TMEM106B: variants seen among roughly 807,000 people sequenced by gnomAD.
TMEM106B encodes transmembrane protein 106B.
A neutral mutation model predicts 31.1 loss-of-function variants in TMEM106B; 15 were observed. That is an observed-to-expected ratio of 0.48 (90% CI 0.32 to 0.74). The LOEUF (loss-of-function observed/expected upper bound fraction) is 0.74. Ranked by LOEUF, TMEM106B falls within the 30% of genes least tolerant of loss-of-function variation. The pLI, the probability that TMEM106B is intolerant of heterozygous loss-of-function variation, is 0.03. For missense variants in TMEM106B, 283 were observed against 327.3 expected (o/e 0.86, Z 1.04); for synonymous variants, 126 against 112.5 (o/e 1.12, Z -0.76).
Position 12,211,389 on chromosome 7 carries a change from C to G in TMEM106B, c.-39C>G, listed in dbSNP as rs1278162327. 6.6e-6 allele frequency: 1 copy of G among 152,390 alleles called. No individual in the cohort carries two copies. The highest frequency in any genetic ancestry group is 2.4e-5 in the African/African-American group (1 of 41,462). 9.4% of individuals were successfully genotyped at this position (152,390 alleles called of 1,614,324 possible). A position where few individuals can be genotyped will look rare whatever the true frequency, so the allele number is the denominator to read the frequency against. ...ACCCTGTCCTCGGCCCTGTCCGCGC[C>G]GAAGCAGCCCGGGACTGCGCAGCGC... is the stretch of plus-strand genomic sequence containing the variant. On this transcript the variant is annotated 5_prime_UTR_variant, in exon 1 of 8. Coordinates refer to ENST00000396668, the MANE Select transcript of TMEM106B (RefSeq NM_001134232.2).
intron 5 of TMEM106B, 37 bp downstream of exon 5, chr7:12,229,856 A>G (rs183953676): frequency 1.3e-6 from 2 of 1,567,818 alleles, no homozygotes; most frequent in East Asian, 2.3e-5. Flanking sequence ...TAAGAGTTAA[A>G]TGAATGTCAG....
rs1340340628 is a variant in TMEM106B at position 12,234,117 on chromosome 7, C to CA, written c.*2147dup. On this transcript the variant is annotated 3_prime_UTR_variant, in exon 8 of 8. Transcript: ENST00000396668. Reference sequence around the variant, plus strand: ...AAATTATCTTTTAGATACGCTCATACAAAAATCAATCCTTGTTTTCTTGCT... The same window carrying CA: ...AAATTATCTTTTAGATACGCTCATACAAAAAATCAATCCTTGTTTTCTTGCT... 1.3e-5 allele frequency: 2 copies of CA among 151,702 alleles called. No individual in the cohort carries two copies. The highest frequency in any genetic ancestry group is 4.8e-5 in the African/African-American group (2 of 41,392). The allele number at this position is 151,702 out of a possible 1,614,324, so 9.4% of individuals were successfully genotyped here.
chr7:12,221,780 A>G (rs1274592852), intron 3 of TMEM106B, among the ~76,000 whole-genome samples: 3 of 152,178 alleles, frequency 2.0e-5, no homozygotes, highest in Non-Finnish European at 4.4e-5. Flanking sequence ...CAAAATGACT[A>G]GAGTTAGCAG....
At chr7:12,218,425 A>G (rs1483726146) in intron 2 of TMEM106B, 33 bp from the exon 3 acceptor site, 1 of 1,576,266 alleles carries the variant, frequency 6.3e-7, no homozygotes, top group Admixed American at 1.7e-5. Flanking sequence ...AACTAATCAT[A>G]GTAATTTCTG....
In TMEM106B at chr7:12,239,373, A is replaced by G. The variant is rs1033185465; in HGVS notation, c.*7398A>G. 5 of 152,162 alleles carry G rather than the reference A, an allele frequency of 3.3e-5. No homozygotes were observed. The highest frequency in any genetic ancestry group is 4.4e-5 in the Non-Finnish European group (3 of 68,018). 9.4% of individuals were successfully genotyped at this position (152,162 alleles called of 1,614,324 possible). A position where few individuals can be genotyped will look rare whatever the true frequency, so the allele number is the denominator to read the frequency against. On this transcript the variant is annotated 3_prime_UTR_variant, in exon 8 of 8. Transcript: ENST00000396668. ...ATTGAAACCACTAAAACATTCCCAT[A>G]TCGGCAATAAGGCTGTTTGATTTTC...
chr7:12,232,545 T>A lies in TMEM106B; in HGVS notation c.*570T>A, dbSNP rs1782046386. 6.6e-6 allele frequency: 1 copy of A among 152,316 alleles called. No individual in the cohort carries two copies. The highest frequency in any genetic ancestry group is 2.1e-4 in the South Asian group (1 of 4,834). The allele number at this position is 152,316 out of a possible 1,614,324, so 9.4% of individuals were successfully genotyped here. ...CATGTTTTTGTCACTTATTTCAGGT[T>A]AGTGATTGCCTAACACTTATAAGCC... is the stretch of plus-strand genomic sequence containing the variant. On this transcript the variant is annotated 3_prime_UTR_variant, in exon 8 of 8. Coordinates refer to ENST00000396668, the MANE Select transcript of TMEM106B (RefSeq NM_001134232.2).
intron 3 of TMEM106B, among the ~76,000 whole-genome samples, chr7:12,222,924 C>T (rs2128525677): frequency 6.6e-6 from 1 of 152,054 alleles, no homozygotes; most frequent in East Asian, 1.9e-4. Flanking sequence ...TCCATCAGAG[C>T]ATTTAGAAAG....
chr7:12,222,933 A>G (rs1781816223), intron 3 of TMEM106B, among the ~76,000 whole-genome samples: 1 of 152,228 alleles, frequency 6.6e-6, no homozygotes, highest in African/African-American at 2.4e-5. Flanking sequence ...GCATTTAGAA[A>G]GGAAATGGTG....
rs1448339044 is a variant in TMEM106B, at chr7:12,234,636, T to C, written c.*2661T>C. 1 of 151,894 alleles carries C rather than the reference T, an allele frequency of 6.6e-6. No individual in the cohort carries two copies. The highest frequency in any genetic ancestry group is 2.4e-5 in the African/African-American group (1 of 41,434). The allele number at this position is 151,894 out of a possible 1,614,324, so 9.4% of individuals were successfully genotyped here. ...ATTAATACGCTTTTCTAAACTGCTCTCAGACCTTATCCAGAGGACATGGTA... is the reference window on the plus strand; with the variant it reads ...ATTAATACGCTTTTCTAAACTGCTCCCAGACCTTATCCAGAGGACATGGTA... On this transcript the variant is annotated 3_prime_UTR_variant, in exon 8 of 8. Transcript: ENST00000396668.
Position 12,214,816 on chromosome 7 carries a change from A to G in TMEM106B, c.6A>G (p.Gly2=). 1.2e-6 allele frequency: 2 copies of G among 1,608,490 alleles called. No individual in the cohort carries two copies. The highest frequency in any genetic ancestry group is 1.3e-5 in the African/African-American group (1 of 74,772). M[G]KSLSHLPLHS... ...ATTTTTATTTTTCTTTAGACATGGG[A>G]AAGTCTCTTTCTCATTTGCCTTTGC... The change falls in exon 2 of 8, where the codon GGA becomes GGG. Residue 2 remains glycine, a synonymous_variant. Coordinates refer to ENST00000396668, the MANE Select transcript of TMEM106B (RefSeq NM_001134232.2).
At chr7:12,214,703 T>C in intron 1 of TMEM106B, 106 bp from the exon 2 acceptor site, 1 of 985,552 alleles carries the variant, frequency 1.0e-6, no homozygotes, top group Non-Finnish European at 1.4e-6. Flanking sequence ...TTACAGAGTT[T>C]GACTGTTCCT....
At chr7:12,214,757 T>C (rs1781653071) in intron 1 of TMEM106B, 52 bp from the exon 2 acceptor site, 4 of 1,384,318 alleles carry the variant, frequency 2.9e-6, no homozygotes, top group Non-Finnish European at 3.9e-6. Flanking sequence ...AGAGTGTTCT[T>C]GAATGTACTT....
In TMEM106B at chr7:12,240,890, C is replaced by T. The variant is rs1481460917; in HGVS notation, c.*8915C>T. 3 of 152,116 alleles carry T rather than the reference C, an allele frequency of 2.0e-5. No homozygotes were observed. The highest frequency in any genetic ancestry group is 4.4e-5 in the Non-Finnish European group (3 of 68,034). The allele number at this position is 152,116 out of a possible 1,614,324, so 9.4% of individuals were successfully genotyped here. A position where few individuals can be genotyped will look rare whatever the true frequency, so the allele number is the denominator to read the frequency against. ...CCTAGAGGGTAGTGTACAGTCACTT[C>T]TTCAGTGATAACTTACTGAGTGTGA... On this transcript the variant is annotated 3_prime_UTR_variant, in exon 8 of 8. Coordinates refer to ENST00000396668, the MANE Select transcript of TMEM106B (RefSeq NM_001134232.2).
chr7:12,223,465 AT>A (rs1781828063), intron 3 of TMEM106B, among the ~76,000 whole-genome samples: 1 of 151,976 alleles, frequency 6.6e-6, no homozygotes, highest in African/African-American at 2.4e-5. Flanking sequence ...ATGATTAGCT[AT>A]TTTTCCTAAT....
At position 12,240,012 on chromosome 7, in the gene TMEM106B, G is replaced by A. The variant is rs1404970627; in HGVS notation, c.*8037G>A. On this transcript the variant is annotated 3_prime_UTR_variant, in exon 8 of 8. Transcript: ENST00000396668. ...CAATATCTGCAAAACGCAATAAGGT[G>A]ATGCACAATAAAAGGAAGTATATCT... is the stretch of plus-strand genomic sequence containing the variant. 2 of 151,860 alleles carry A rather than the reference G, an allele frequency of 1.3e-5. No individual in the cohort carries two copies. Among genetic ancestry groups the A allele is most frequent in the Non-Finnish European group, 1.5e-5 (1 of 67,974 alleles). 9.4% of individuals were successfully genotyped at this position (151,860 alleles called of 1,614,324 possible).
rs1319085338 is a variant in TMEM106B, at chr7:12,233,587, T to A, written c.*1612T>A. ...TTTTGGTTTTTTTTTGTTTTAACACTAGTCTTCCCTTAATTCATTGCTAAC... is the reference window on the plus strand; with the variant it reads ...TTTTGGTTTTTTTTTGTTTTAACACAAGTCTTCCCTTAATTCATTGCTAAC... On this transcript the variant is annotated 3_prime_UTR_variant, in exon 8 of 8. Coordinates refer to ENST00000396668, the MANE Select transcript of TMEM106B (RefSeq NM_001134232.2). The A allele has an allele frequency of 2.6e-5, 4 of 151,462 alleles. No individual in the cohort carries two copies. The highest frequency in any genetic ancestry group is 5.9e-5 in the Non-Finnish European group (4 of 67,654). The allele number at this position is 151,462 out of a possible 1,614,324, so 9.4% of individuals were successfully genotyped here.
intron 3 of TMEM106B, among the ~76,000 whole-genome samples, chr7:12,219,455 T>A (rs568768327): frequency 6.6e-6 from 1 of 152,162 alleles, no homozygotes; most frequent in Non-Finnish European, 1.5e-5. Flanking sequence ...CTGGAAAGGA[T>A]TGCAACAAAG....
chr7:12,220,533 A>G (rs1194885415), intron 3 of TMEM106B, among the ~76,000 whole-genome samples: 1 of 152,220 alleles, frequency 6.6e-6, no homozygotes, highest in Non-Finnish European at 1.5e-5. Context: ...AAAGATGTCC[A>G]ATCTTGCTCA....
At position 12,242,566 on chromosome 7, in the gene TMEM106B, G is replaced by C. The variant is rs575488099; in HGVS notation, c.*10591G>C. ...GGTTAAATCACATTTTTCACAGAGA[G>C]TGTTTTACTGAAATATAAACTTTTA... is the stretch of plus-strand genomic sequence containing the variant. On this transcript the variant is annotated 3_prime_UTR_variant, in exon 8 of 8. Coordinates refer to ENST00000396668, the MANE Select transcript of TMEM106B (RefSeq NM_001134232.2). 3.9e-5 allele frequency: 6 copies of C among 152,126 alleles called. No individual in the cohort carries two copies. The South Asian group carries it at 1.2e-3, about 31-fold the overall frequency. The allele number at this position is 152,126 out of a possible 1,614,324, so 9.4% of individuals were successfully genotyped here.
Sources: allele counts gnomAD v4.1 joint callset (sites outside exome capture counted in the v4.1 genomes callset), GRCh38; gene constraint gnomAD v4.1.1; transcripts MANE v1.5; gene names NCBI Gene and HGNC (gene_info 2026-07-23, HGNC 2026-07-21).